Variants in TTC3 observed in about 807,000 individuals in gnomAD.
TTC3 encodes the protein E3 ubiquitin-protein ligase TTC3.
Under a neutral mutation model 249.6 loss-of-function variants are expected in TTC3, and 180 were observed. The ratio of observed to expected loss-of-function variants is 0.72; its 90% confidence interval spans 0.64 to 0.82. The LOEUF (loss-of-function observed/expected upper bound fraction) is 0.82, where lower values mean the gene tolerates loss of function less well. Among genes scored for constraint, TTC3 ranks in the 40% least tolerant of loss-of-function variants. The pLI is 0.00. For synonymous variants in TTC3, 717 were observed against 805.0 expected, an observed-to-expected ratio of 0.89 and a Z score of 1.85; for missense variants, 2,061 against 2,398.4, an observed-to-expected ratio of 0.86 and a Z score of 2.94.
rs376222392 is a variant in TTC3 at position 37,095,373 on chromosome 21, A to C, written c.711A>C (p.Lys237Asn). The C allele has an allele frequency of 3.1e-6, 5 of 1,606,752 alleles. No individual in the cohort carries two copies. The African/African-American group carries it at 5.4e-5, about 17-fold the overall frequency. ...AGGAAGGAGAACTAATGAAAATGAA[A>C]GGAAATGAAGAGTTTTCCAAAGAAA... Residue 237 changes from lysine (K) to asparagine (N), a missense_variant, in exon 9 of 46, where the codon AAA becomes AAC. Lys to Asn is a moderately conservative substitution (Grantham distance 94). Transcript: ENST00000355666.
intron 31 of TTC3, among the ~76,000 whole-genome samples, chr21:37,163,124 G>A (rs2080923741): frequency 6.6e-6 from 1 of 152,066 alleles, no homozygotes; most frequent in Non-Finnish European, 1.5e-5. Flanking sequence ...ATTGTTTTGG[G>A]GGTTTACATA....
At chr21:37,152,627 C>T (rs910689824) in intron 26 of TTC3, among the ~76,000 whole-genome samples, 2 of 152,090 alleles carry the variant, frequency 1.3e-5, no homozygotes, top group Non-Finnish European at 2.9e-5. Flanking sequence ...ATCCACCCTC[C>T]TCGGCCTCCC....
intron 36 of TTC3, among the ~76,000 whole-genome samples, chr21:37,183,495 G>A (rs2082941114): frequency 6.6e-6 from 1 of 152,138 alleles, no homozygotes; most frequent in Non-Finnish European, 1.5e-5. Context: ...CACTGTGTAA[G>A]AAAACACCCA....
chr21:37,088,010 G>T, intron 3 of TTC3, 135 bp downstream of exon 3: 1 of 957,852 alleles, frequency 1.0e-6, no homozygotes, highest in Non-Finnish European at 1.5e-6. Flanking sequence ...CTAGAAATCA[G>T]AACTTTTCTT....
At chr21:37,091,208 A>G in intron 6 of TTC3, 85 bp from the exon 7 acceptor site, 1 of 1,431,922 alleles carries the variant, frequency 7.0e-7, no homozygotes, top group Non-Finnish European at 9.6e-7. Flanking sequence ...GATCTGAAAT[A>G]CTTGCATAAG....
At chr21:37,158,711 A>G (rs1385347304) in intron 28 of TTC3, among the ~76,000 whole-genome samples, 2 of 151,998 alleles carry the variant, frequency 1.3e-5, no homozygotes, top group Admixed American at 1.3e-4. Flanking sequence ...GTTTTTCCTC[A>G]ATTTATCTCA....
rs1369353747 is a variant in TTC3 at position 37,174,129 on chromosome 21, CTG to C, written c.4617+1391_4617+1392del. Among the ~76,000 whole-genome samples the C allele has an allele frequency of 2.0e-5, 3 of 152,186 alleles. No homozygotes were observed. The East Asian group carries it at 5.8e-4, about 29-fold the overall frequency. The stretch of plus-strand genomic sequence containing the variant: ...CTGGCTTTATAAATTGCTGGTCTGA[CTG>C]TGTGTTCTGTGTGCACAGTTCATCA... On this transcript the variant is annotated intron_variant, in intron 35 of 45. Transcript: ENST00000355666.
chr21:37,152,064 T>C, intron 26 of TTC3, 35 bp downstream of exon 26: 1 of 1,522,918 alleles, frequency 6.6e-7, no homozygotes, highest in Admixed American at 2.4e-5. Flanking sequence ...AAGAATAATA[T>C]ACTCTCATTT....
intron 11 of TTC3, 119 bp from the exon 12 acceptor site, chr21:37,121,698 G>A: frequency 2.0e-5 from 18 of 904,474 alleles, no homozygotes; most frequent in Non-Finnish European, 2.7e-5. Context: ...TCATTGGTAG[G>A]GACCTAATCT....
At position 37,128,449 on chromosome 21, in the gene TTC3, A is replaced by G. The variant is rs1203255059; in HGVS notation, c.1298-554A>G. 3.3e-5 allele frequency among the ~76,000 whole-genome samples: 5 copies of G among 152,290 alleles called. No individual in the cohort carries two copies. In the East Asian group the frequency reaches 7.7e-4, roughly 24 times the overall value. ...TGAGGTCTTGAAATCACACAGGTTTACTTAGTGCTTCTGAAATGAACTCTC... is the reference window on the plus strand; with the variant it reads ...TGAGGTCTTGAAATCACACAGGTTTGCTTAGTGCTTCTGAAATGAACTCTC... On this transcript the variant is annotated intron_variant, in intron 15 of 45. Transcript: ENST00000355666.
chr21:37,092,059 T>C (rs2073347008), intron 7 of TTC3, among the ~76,000 whole-genome samples: 1 of 152,242 alleles, frequency 6.6e-6, no homozygotes, highest in African/African-American at 2.4e-5. Context: ...GCTAAGCTTA[T>C]GATTTTTATT....
chr21:37,157,939 A>G (rs1005478171), intron 28 of TTC3, among the ~76,000 whole-genome samples: 1 of 152,186 alleles, frequency 6.6e-6, no homozygotes, highest in Non-Finnish European at 1.5e-5. Context: ...AGTCTCCTTT[A>G]TGTGTTGTTA....
intron 33 of TTC3, among the ~76,000 whole-genome samples, chr21:37,167,040 C>G (rs994391606): frequency 3.3e-5 from 5 of 152,148 alleles, no homozygotes; most frequent in African/African-American, 1.2e-4. Flanking sequence ...GGGGTGCCTG[C>G]CCCATAGGAC....
At chr21:37,178,128 CATCT>C (rs2082430478) in intron 35 of TTC3, among the ~76,000 whole-genome samples, 1 of 152,124 alleles carries the variant, frequency 6.6e-6, no homozygotes, top group Admixed American at 6.5e-5. Context: ...CATGTACATC[CATCT>C]ATGTTAATAT....
At chr21:37,123,198 A>T (rs1245812553) in intron 13 of TTC3, among the ~76,000 whole-genome samples, 170 bp downstream of exon 13, 1 of 152,190 alleles carries the variant, frequency 6.6e-6, no homozygotes. Flanking sequence ...GTGACCTGTA[A>T]GTTGTCAGAT....
chr21:37,185,841 TA>T (rs2083205950), intron 37 of TTC3, 67 bp downstream of exon 37: 4 of 886,862 alleles, frequency 4.5e-6, no homozygotes, highest in Non-Finnish European at 6.4e-6. Flanking sequence ...ACAAGCACAG[TA>T]GACTTTGAAA....
intron 8 of TTC3, among the ~76,000 whole-genome samples, chr21:37,094,596 T>C (rs977344765): frequency 3.9e-5 from 6 of 152,222 alleles, no homozygotes; most frequent in African/African-American, 1.4e-4. Flanking sequence ...ATTGCCTCTA[T>C]GTTATTGATT....
exon 36 of TTC3, chr21:37,182,829 A>G: frequency 6.3e-7 from 1 of 1,596,932 alleles, no homozygotes. Flanking sequence ...GAAATTAAAA[A>G]ATGGCAACAG....
At chr21:37,110,437 C>G (rs1295888875) in intron 11 of TTC3, among the ~76,000 whole-genome samples, 3 of 152,108 alleles carry the variant, frequency 2.0e-5, no homozygotes, top group African/African-American at 7.2e-5. Flanking sequence ...CCGATGCGAT[C>G]AACTGGAAGA....
Sources: allele counts gnomAD v4.1 joint callset (sites outside exome capture counted in the v4.1 genomes callset), GRCh38; gene constraint gnomAD v4.1.1; transcripts MANE v1.5; gene names NCBI Gene and HGNC (gene_info 2026-07-23, HGNC 2026-07-21).